Variants in CSMD1 observed in about 807,000 individuals in gnomAD.
CSMD1 encodes the protein CUB and Sushi multiple domains 1.
In CSMD1, 213 loss-of-function variants were observed where a neutral mutation model predicts 417.5. The observed-to-expected ratio is 0.51, with a 90% CI of 0.46 to 0.57. CSMD1 has a LOEUF of 0.57. Ranked by LOEUF, CSMD1 falls within the 20% of genes least tolerant of loss-of-function variation. The pLI, the probability that CSMD1 is intolerant of heterozygous loss-of-function variation, is 0.00. For synonymous variants in CSMD1, 2,862 were observed against 1,736.8 expected, an observed-to-expected ratio of 1.65 and a Z score of -16.11; for missense variants, 6,923 against 4,529.7, an observed-to-expected ratio of 1.53 and a Z score of -15.17.
chr8:4,181,616 C>G (rs1798381595), intron 3 of CSMD1, among the ~76,000 whole-genome samples: 1 of 152,120 alleles, frequency 6.6e-6, no homozygotes. Context: ...GCTTAAAATT[C>G]ATTTATATTT....
intron 2 of CSMD1, among the ~76,000 whole-genome samples, chr8:4,541,005 CTT>C (rs1797356719): frequency 6.6e-6 from 1 of 152,182 alleles, no homozygotes; most frequent in Non-Finnish European, 1.5e-5. Context: ...AGCTCAAACT[CTT>C]TAAATGCCTC....
At chr8:4,397,132 A>C (rs1223479714) in intron 3 of CSMD1, among the ~76,000 whole-genome samples, 1 of 152,094 alleles carries the variant, frequency 6.6e-6, no homozygotes, top group Non-Finnish European at 1.5e-5. Context: ...ACGCCATCAC[A>C]TGGTCGAGCA....
chr8:3,204,891 G>C (rs1160917383), intron 31 of CSMD1, among the ~76,000 whole-genome samples: 4 of 152,230 alleles, frequency 2.6e-5, no homozygotes. Context: ...TCAAGAGTGA[G>C]AGTGAGCATT....
At chr8:3,956,621 G>T (rs145997299) in intron 5 of CSMD1, among the ~76,000 whole-genome samples, 335 of 152,280 alleles carry the variant, frequency 2.2e-3, no homozygotes, top group African/African-American at 7.7e-3. Context: ...CTGATAACAA[G>T]ACTAAAATGT....
intron 8 of CSMD1, among the ~76,000 whole-genome samples, chr8:3,614,244 G>C (rs959694853): frequency 1.3e-5 from 2 of 152,026 alleles, no homozygotes; most frequent in African/African-American, 4.8e-5. Flanking sequence ...AACTAGGAAA[G>C]TGACAGATTG....
At chr8:3,808,575 C>T (rs982992146) in intron 5 of CSMD1, among the ~76,000 whole-genome samples, 5 of 152,120 alleles carry the variant, frequency 3.3e-5, no homozygotes, top group Admixed American at 2.6e-4. Flanking sequence ...GGAGAATCCT[C>T]ATGTTTGAAA....
chr8:3,130,021 T>C (rs1817712227), intron 41 of CSMD1, among the ~76,000 whole-genome samples: 1 of 152,054 alleles, frequency 6.6e-6, no homozygotes, highest in Admixed American at 6.6e-5. Context: ...GAATATGGTA[T>C]TAAGAATATT....
chr8:4,232,520 C>G (rs999564934), intron 3 of CSMD1, among the ~76,000 whole-genome samples: 48 of 152,160 alleles, frequency 3.2e-4, no homozygotes, highest in African/African-American at 1.1e-3. Flanking sequence ...TTAAATTACA[C>G]ACTACCTATG....
chr8:4,372,430 T>A (rs1584973267), intron 3 of CSMD1, among the ~76,000 whole-genome samples: 1 of 152,056 alleles, frequency 6.6e-6, no homozygotes, highest in Non-Finnish European at 1.5e-5. Flanking sequence ...TATATTTTTG[T>A]ATACCATGAA....
At position 4,061,206 on chromosome 8, in the gene CSMD1, G is replaced by A. The variant is rs781732312; in HGVS notation, c.416-29107C>T. On this transcript the variant is annotated intron_variant, in intron 3 of 69. Coordinates refer to ENST00000635120, the MANE Select transcript of CSMD1 (RefSeq NM_033225.6). ...GCAGTTCTAACATGAGCCCTTTTAG[G>A]AACCCAGCCCTGCTGATTAGAGAGG... Among the ~76,000 whole-genome samples, 101 of 152,142 alleles carry A rather than the reference G, an allele frequency of 6.6e-4. 3 individuals are homozygous for A. Among genetic ancestry groups the A allele is most frequent in the Admixed American group, 2.0e-4 (3 of 15,264 alleles).
intron 38 of CSMD1, among the ~76,000 whole-genome samples, chr8:3,159,006 T>A (rs934157300): frequency 2.0e-5 from 3 of 152,320 alleles, no homozygotes; most frequent in Admixed American, 1.3e-4. Context: ...TCATACCTCT[T>A]GATATTTTTA....
intron 8 of CSMD1, among the ~76,000 whole-genome samples, chr8:3,604,168 G>A (rs528686053): frequency 5.3e-5 from 8 of 152,182 alleles, no homozygotes; most frequent in Non-Finnish European, 7.3e-5. Context: ...ACGGGGCTCA[G>A]AATCTTGTGG....
At chr8:4,637,598 G>A (rs1367716621) in intron 1 of CSMD1, 40 bp from the exon 2 acceptor site, 2 of 1,319,424 alleles carry the variant, frequency 1.5e-6, no homozygotes, top group Admixed American at 3.8e-5. Context: ...TATTATTCTG[G>A]CCATCTTTAA....
At chr8:4,333,054 C>G (rs1048922348) in intron 3 of CSMD1, among the ~76,000 whole-genome samples, 2 of 151,898 alleles carry the variant, frequency 1.3e-5, no homozygotes, top group South Asian at 2.1e-4. Flanking sequence ...TTTTAAATGT[C>G]AAGAGCGTTT....
intron 10 of CSMD1, among the ~76,000 whole-genome samples, chr8:3,560,820 C>T (rs1267707522): frequency 9.2e-5 from 14 of 152,106 alleles, no homozygotes. Flanking sequence ...TTTCATTTAT[C>T]CTTCTGTAAC....
chr8:4,323,851 G>C (rs1395796528), intron 3 of CSMD1, among the ~76,000 whole-genome samples: 4 of 152,144 alleles, frequency 2.6e-5, no homozygotes, highest in Non-Finnish European at 4.4e-5. Flanking sequence ...TGTACTGAGA[G>C]TTTAGCTTAA....
At chr8:4,229,405 A>G (rs981541751) in intron 3 of CSMD1, among the ~76,000 whole-genome samples, 1 of 152,228 alleles carries the variant, frequency 6.6e-6, no homozygotes, top group Non-Finnish European at 1.5e-5. Context: ...CACAAGCTAG[A>G]TCATACCTAC....
chr8:3,045,920 C>G (rs1238627696), intron 50 of CSMD1, among the ~76,000 whole-genome samples: 1 of 152,192 alleles, frequency 6.6e-6, no homozygotes, highest in East Asian at 1.9e-4. Context: ...GAGTGGAAGA[C>G]AGTAGGGGGT....
intron 5 of CSMD1, among the ~76,000 whole-genome samples, chr8:3,938,159 T>A (rs886127698): frequency 1.3e-5 from 2 of 152,118 alleles, no homozygotes; most frequent in African/African-American, 2.4e-5. Context: ...TTCTGGTAAT[T>A]GTGTCAATAA....
Sources: gnomAD v4.1 joint callset for allele counts (sites outside exome capture counted in the v4.1 genomes callset) on GRCh38, gnomAD v4.1.1 for gene constraint, MANE v1.5 for transcripts, NCBI Gene and HGNC (gene_info 2026-07-23, HGNC 2026-07-21) for gene names.